The following AOPEP variants were observed in gnomAD, a reference collection of about 807,000 sequenced individuals.
AOPEP encodes aminopeptidase O (putative), also known as aminopeptidase O.
Under a neutral mutation model 98.1 loss-of-function variants are expected in AOPEP, and 77 were observed. The ratio of observed to expected loss-of-function variants is 0.78; its 90% CI spans 0.65 to 0.95. The LOEUF (loss-of-function observed/expected upper bound fraction) is 0.95, where lower values mean the gene tolerates loss of function less well. AOPEP is among the 40% of genes least tolerant of loss of function. The pLI, the probability that AOPEP is intolerant of heterozygous loss-of-function variation, is 0.00. For missense variants in AOPEP, 1,024 were observed against 1,024.7 expected (o/e 1.00, Z 0.01); for synonymous variants, 346 against 365.3 (o/e 0.95, Z 0.60).
chr9:94,901,934 G>A (rs1221276284), intron 5 of AOPEP, among the ~76,000 whole-genome samples: 36 of 152,104 alleles, frequency 2.4e-4, no homozygotes, highest in Admixed American at 2.2e-3. Context: ...AAAAGAAAAA[G>A]TGCTAATAAA....
intron 9 of AOPEP, among the ~76,000 whole-genome samples, chr9:94,963,116 C>T (rs1283859269): frequency 6.6e-6 from 1 of 152,134 alleles, no homozygotes; most frequent in East Asian, 1.9e-4. Flanking sequence ...CTGACAATTT[C>T]ATTTCTTCTC....
At chr9:94,888,948 A>G (rs2048560767) in intron 5 of AOPEP, among the ~76,000 whole-genome samples, 1 of 152,176 alleles carries the variant, frequency 6.6e-6, no homozygotes, top group Non-Finnish European at 1.5e-5. Flanking sequence ...TGACTGTGGT[A>G]TACCATTGCC....
chr9:95,077,108 G>C (rs2069154528), intron 14 of AOPEP, among the ~76,000 whole-genome samples: 1 of 152,196 alleles, frequency 6.6e-6, no homozygotes, highest in Non-Finnish European at 1.5e-5. Flanking sequence ...CCTCACAGCT[G>C]CTCCCCTGCA....
At chr9:94,868,926 A>G (rs2046007605) in intron 5 of AOPEP, among the ~76,000 whole-genome samples, 1 of 152,134 alleles carries the variant, frequency 6.6e-6, no homozygotes, top group Non-Finnish European at 1.5e-5. Flanking sequence ...TTTCCTCTCA[A>G]AACGTTTACT....
At chr9:95,026,636 A>T (rs1372583124) in intron 13 of AOPEP, among the ~76,000 whole-genome samples, 2 of 152,232 alleles carry the variant, frequency 1.3e-5, no homozygotes, top group Non-Finnish European at 2.9e-5. Context: ...GGCTGTAGTA[A>T]TGCTGCAGTA....
chr9:95,000,363 A>G (rs578019944), intron 11 of AOPEP, among the ~76,000 whole-genome samples: 2 of 152,320 alleles, frequency 1.3e-5, no homozygotes, highest in Non-Finnish European at 2.9e-5. Flanking sequence ...GGATTAATTT[A>G]TAATTTTTCT....
rs1255331946 is a variant in AOPEP at position 94,980,277 on chromosome 9, G to T, written c.1977+850G>T. On this transcript the variant is annotated intron_variant, in intron 11 of 16. Coordinates refer to ENST00000375315, the MANE Select transcript of AOPEP (RefSeq NM_001193329.3). This position sits in a 1 kb window ranked among gnomAD's most constrained non-coding sequence, Gnocchi z 4.3. The stretch of plus-strand genomic sequence containing the variant: ...GATGCGCGGTCAGAGGACCCTGCAG[G>T]CTGGGAGCTCTCTCAGTCTGGGGCA... 6.6e-6 allele frequency among the ~76,000 whole-genome samples: 1 copy of T among 152,242 alleles called. No homozygotes were observed. Among genetic ancestry groups the T allele is most frequent in the African/African-American group, 2.4e-5 (1 of 41,464 alleles).
chr9:94,776,396 G>C (rs1842100688), intron 3 of AOPEP, among the ~76,000 whole-genome samples: 1 of 152,166 alleles, frequency 6.6e-6, no homozygotes. Flanking sequence ...CTGCTTTCCG[G>C]GTTCAAGCAT....
chr9:94,968,817 G>C (rs886270602), intron 10 of AOPEP, among the ~76,000 whole-genome samples: 1 of 151,918 alleles, frequency 6.6e-6, no homozygotes, highest in Admixed American at 6.6e-5. Flanking sequence ...TGTGTATCAG[G>C]CACTGGATCC....
chr9:95,050,482 C>G (rs2066247302), intron 13 of AOPEP, among the ~76,000 whole-genome samples: 1 of 152,106 alleles, frequency 6.6e-6, no homozygotes, highest in East Asian at 1.9e-4. Context: ...ACTCCTATGC[C>G]TTGTAGACAT....
At chr9:95,128,909 C>CTTT in the AOPEP span, among the ~76,000 whole-genome samples, 1 of 144,742 alleles carries the variant, frequency 6.9e-6, no homozygotes, top group Non-Finnish European at 1.5e-5. Context: ...AACCAGTCTC[C>CTTT]TTTTTTTTTT....
At chr9:94,868,840 C>T (rs755106861) in intron 5 of AOPEP, among the ~76,000 whole-genome samples, 31 of 152,234 alleles carry the variant, frequency 2.0e-4, no homozygotes, top group Admixed American at 5.9e-4. Context: ...CATGTGTATT[C>T]GGAATGTATT....
intron 5 of AOPEP, chr9:94,809,853 ACGTGCCCTGGGC>A (rs1289386610): frequency 1.9e-5 from 3 of 154,750 alleles, no homozygotes; most frequent in African/African-American, 7.2e-5. Context: ...AAGAATTGGC[ACGTGCCCTGGGC>A]TCCCTTCAGC....
chr9:94,807,768 T>C (rs546998715), intron 5 of AOPEP, among the ~76,000 whole-genome samples: 77 of 152,352 alleles, frequency 5.1e-4, no homozygotes, highest in African/African-American at 1.8e-3. Context: ...TACCAGCTTC[T>C]GTACTGCTGA....
chr9:95,034,993 T>A (rs948536050), intron 13 of AOPEP, among the ~76,000 whole-genome samples: 14 of 132,164 alleles, frequency 1.1e-4, no homozygotes, highest in East Asian at 2.2e-4. Context: ...TTTTTTTTTT[T>A]ATACTTTTAA....
At chr9:94,963,117 A>G (rs2058967222) in intron 9 of AOPEP, among the ~76,000 whole-genome samples, 1 of 151,836 alleles carries the variant, frequency 6.6e-6, no homozygotes, top group Non-Finnish European at 1.5e-5. Context: ...TGACAATTTC[A>G]TTTCTTCTCA....
intron 10 of AOPEP, among the ~76,000 whole-genome samples, chr9:94,969,896 T>C (rs2059432798): frequency 6.6e-6 from 1 of 152,188 alleles, no homozygotes; most frequent in Non-Finnish European, 1.5e-5. Flanking sequence ...TAGACTTAGA[T>C]TCATGCAGGG....
At chr9:94,954,352 C>T (rs1201009407) in intron 7 of AOPEP, among the ~76,000 whole-genome samples, 2 of 152,068 alleles carry the variant, frequency 1.3e-5, no homozygotes, top group Non-Finnish European at 2.9e-5. Context: ...TTGAGTGGAC[C>T]GTGACTATCC....
chr9:95,040,208 G>C (rs1461571894), intron 13 of AOPEP, among the ~76,000 whole-genome samples: 1 of 152,210 alleles, frequency 6.6e-6, no homozygotes, highest in African/African-American at 2.4e-5. Context: ...CCACAGGCTT[G>C]TTTGTCCATT....
Sources: gnomAD v4.1 joint callset for allele counts (sites outside exome capture counted in the v4.1 genomes callset) on GRCh38, gnomAD v4.1.1 for gene constraint, Gnocchi (gnomAD v3.1) non-coding constraint, MANE v1.5 for transcripts, NCBI Gene and HGNC (gene_info 2026-07-23, HGNC 2026-07-21) for gene names.